The following CNKSR3 variants were observed in gnomAD, a reference collection of about 807,000 sequenced individuals.
CNKSR3 encodes connector enhancer of kinase suppressor of ras 3.
Under a neutral mutation model 67.7 loss-of-function variants are expected in CNKSR3, and 36 were observed. The ratio of observed to expected loss-of-function variants is 0.53; its 90% CI spans 0.41 to 0.70. The LOEUF (loss-of-function observed/expected upper bound fraction) is 0.70. Ranked by LOEUF, CNKSR3 falls within the 30% of genes least tolerant of loss-of-function variation. CNKSR3 has a pLI of 0.00. For synonymous variants in CNKSR3, 281 were observed against 271.4 expected, an observed-to-expected ratio of 1.04 and a Z score of -0.35; for missense variants, 630 against 695.2, an observed-to-expected ratio of 0.91 and a Z score of 1.05.
At chr6:154,430,223 C>A (rs1477485002) in intron 6 of CNKSR3, among the ~76,000 whole-genome samples, 1 of 152,074 alleles carries the variant, frequency 6.6e-6, no homozygotes, top group Non-Finnish European at 1.5e-5. Flanking sequence ...ATTGCTAAGT[C>A]CTAAAAATAA....
At position 154,388,359 on chromosome 6, in the gene CNKSR3, G is replaced by C. The variant is rs1356382091; in HGVS notation, c.*17995C>G. 1 of 152,144 alleles carries C rather than the reference G, an allele frequency of 6.6e-6. No homozygotes were observed. Among genetic ancestry groups the C allele is most frequent in the Non-Finnish European group, 1.5e-5 (1 of 68,022 alleles). 9.4% of individuals were successfully genotyped at this position (152,144 alleles called of 1,614,324 possible). A position where few individuals can be genotyped will look rare whatever the true frequency, so the allele number is the denominator to read the frequency against. On this transcript the variant is annotated 3_prime_UTR_variant, in exon 13 of 13. Transcript: ENST00000607772. ...TTGCAGAATTTCCTTCTTTTTAAAAGCTAAATAGTATTCCATTGTATGTGT... is the reference window on the plus strand; with the variant it reads ...TTGCAGAATTTCCTTCTTTTTAAAACCTAAATAGTATTCCATTGTATGTGT...
chr6:154,480,562 T>G (rs984323982), intron 1 of CNKSR3, among the ~76,000 whole-genome samples: 2 of 152,196 alleles, frequency 1.3e-5, no homozygotes, highest in African/African-American at 2.4e-5. Context: ...ATTAAATTAG[T>G]CAATGCTTAC....
intron 1 of CNKSR3, among the ~76,000 whole-genome samples, chr6:154,486,299 CTTTTTT>C (rs760666886): frequency 7.2e-6 from 1 of 138,694 alleles, no homozygotes; most frequent in Non-Finnish European, 1.6e-5. Context: ...CTCTCTTTTT[CTTTTTT>C]TTTTTTTTTA....
At chr6:154,494,305 C>T (rs890388352) in intron 1 of CNKSR3, among the ~76,000 whole-genome samples, 7 of 152,122 alleles carry the variant, frequency 4.6e-5, no homozygotes, top group African/African-American at 1.7e-4. Context: ...AACTCACTCA[C>T]TATCATGAGA....
intron 1 of CNKSR3, among the ~76,000 whole-genome samples, chr6:154,486,871 T>C (rs771383163): frequency 2.0e-5 from 3 of 152,180 alleles, no homozygotes; most frequent in South Asian, 2.1e-4. Flanking sequence ...GGATCCCACT[T>C]TGTTGCCCAG....
At position 154,401,676 on chromosome 6, in the gene CNKSR3, C is replaced by T. The variant is rs1291584085; in HGVS notation, c.*4678G>A. On this transcript the variant is annotated 3_prime_UTR_variant, in exon 13 of 13. Transcript: ENST00000607772. ...AAGTAGCTTGCAGTAGTCTCATCCC[C>T]ACGGAAATGATGCAGTGATTTTATG... is the stretch of plus-strand genomic sequence containing the variant. The T allele has an allele frequency of 6.6e-6, 1 of 152,216 alleles. No homozygotes were observed. The highest frequency in any genetic ancestry group is 2.4e-5 in the African/African-American group (1 of 41,458). The allele number at this position is 152,216 out of a possible 1,614,324, so 9.4% of individuals were successfully genotyped here.
intron 9 of CNKSR3, among the ~76,000 whole-genome samples, chr6:154,417,242 G>A (rs530042661): frequency 9.2e-5 from 14 of 152,034 alleles, no homozygotes; most frequent in Non-Finnish European, 1.9e-4. Flanking sequence ...AAACATTTTC[G>A]AATAGTCAAC....
At chr6:154,486,496 T>TTTATC (rs1786670045) in intron 1 of CNKSR3, among the ~76,000 whole-genome samples, 1 of 136,912 alleles carries the variant, frequency 7.3e-6, no homozygotes, top group South Asian at 2.1e-4. Context: ...TTTATTTTAT[T>TTTATC]TTATCTTATT....
chr6:154,435,160 T>C (rs984823660), intron 4 of CNKSR3, among the ~76,000 whole-genome samples: 14 of 152,018 alleles, frequency 9.2e-5, no homozygotes, highest in African/African-American at 3.4e-4. Context: ...CACACCTGGC[T>C]AATTTTTGTA....
intron 1 of CNKSR3, among the ~76,000 whole-genome samples, chr6:154,464,345 GA>G (rs1786146370): frequency 6.6e-6 from 1 of 151,676 alleles, no homozygotes; most frequent in Non-Finnish European, 1.5e-5. Flanking sequence ...TTCTCAAAAG[GA>G]AAAAAAATTC....
chr6:154,411,418 A>G (rs1784908859), intron 10 of CNKSR3, among the ~76,000 whole-genome samples: 1 of 152,142 alleles, frequency 6.6e-6, no homozygotes, highest in African/African-American at 2.4e-5. Context: ...AGGCCAAGGC[A>G]GGTGGATCAC....
chr6:154,484,445 C>T (rs535201424), intron 1 of CNKSR3, among the ~76,000 whole-genome samples: 23 of 152,184 alleles, frequency 1.5e-4, no homozygotes, highest in Non-Finnish European at 2.5e-4. Context: ...GTGGCTCACG[C>T]CTGTAATCCC....
At chr6:154,407,889 A>AC (rs1306106057) in intron 12 of CNKSR3, among the ~76,000 whole-genome samples, 6 of 151,262 alleles carry the variant, frequency 4.0e-5, no homozygotes, top group Non-Finnish European at 8.9e-5. Flanking sequence ...AAAAAAAAAA[A>AC]AAAAAACCTA....
intron 1 of CNKSR3, among the ~76,000 whole-genome samples, chr6:154,473,628 T>A (rs1452324277): frequency 6.6e-6 from 1 of 152,064 alleles, no homozygotes; most frequent in Non-Finnish European, 1.5e-5. Flanking sequence ...CGAGTAGAGG[T>A]GAACGACAGA....
In CNKSR3 at chr6:154,391,520, A is replaced by T. The variant is rs1784606642; in HGVS notation, c.*14834T>A. ...AGTGCTGGGATTACAGGCGTGAGCA[A>T]TCAGGCCCAGCCTGAATCACTTCTT... On this transcript the variant is annotated 3_prime_UTR_variant, in exon 13 of 13. Transcript: ENST00000607772. 1 of 152,416 alleles carries T rather than the reference A, an allele frequency of 6.6e-6. No individual in the cohort carries two copies. The highest frequency in any genetic ancestry group is 2.1e-4 in the South Asian group (1 of 4,834). The allele number at this position is 152,416 out of a possible 1,614,324, so 9.4% of individuals were successfully genotyped here.
At position 154,450,191 on chromosome 6, in the gene CNKSR3, C is replaced by A; in HGVS notation, c.120G>T (p.Leu40=). The A allele has an allele frequency of 6.2e-7, 1 of 1,614,202 alleles. No homozygotes were observed. Among genetic ancestry groups the A allele is most frequent in the Non-Finnish European group, 8.5e-7 (1 of 1,180,050 alleles). ...CCAGGTCCTGATGGGAAATCTGCAG[C>A]AGCTGCTCGCCGTTGATCTTCTCTC... ...FEREKINGEQ[L]LQISHQDLEE... Residue 40 remains leucine (L), a synonymous_variant, in exon 2 of 13, where the codon CTG becomes CTT. Coordinates refer to ENST00000607772, the MANE Select transcript of CNKSR3 (RefSeq NM_173515.4).
At chr6:154,415,050 AGT>A (rs1784989545) in intron 9 of CNKSR3, among the ~76,000 whole-genome samples, 1 of 137,840 alleles carries the variant, frequency 7.3e-6, no homozygotes, top group East Asian at 2.5e-4. Context: ...GTGAGCGAAG[AGT>A]GTACCACTGC....
intron 8 of CNKSR3, 27 bp downstream of exon 8, chr6:154,422,888 A>G: frequency 6.4e-7 from 1 of 1,552,766 alleles, no homozygotes; most frequent in Non-Finnish European, 8.8e-7. Flanking sequence ...TTAAGGAGGA[A>G]AATTGAGCCT....
chr6:154,469,358 T>C (rs1018642721), intron 1 of CNKSR3, among the ~76,000 whole-genome samples: 2 of 152,138 alleles, frequency 1.3e-5, no homozygotes, highest in African/African-American at 4.8e-5. Flanking sequence ...TCATCGCATA[T>C]GAATAATAAA....
Sources: allele counts gnomAD v4.1 joint callset (sites outside exome capture counted in the v4.1 genomes callset), GRCh38; gene constraint gnomAD v4.1.1; transcripts MANE v1.5; gene names NCBI Gene and HGNC (gene_info 2026-07-23, HGNC 2026-07-21).